MACROD2: variants seen among roughly 807,000 people sequenced by gnomAD.
MACROD2 encodes mono-ADP ribosylhydrolase 2.
Under a neutral mutation model 70.4 loss-of-function variants are expected in MACROD2, and 36 were observed. That is an observed-to-expected ratio of 0.51 (90% CI 0.39 to 0.68). The LOEUF is 0.68. Ranked by LOEUF, MACROD2 falls within the 30% of genes least tolerant of loss-of-function variation. The pLI, the probability that MACROD2 is intolerant of heterozygous loss-of-function variation, is 0.00. For missense variants in MACROD2, 496 were observed against 538.4 expected (o/e 0.92, Z 0.78); for synonymous variants, 172 against 178.8 (o/e 0.96, Z 0.30).
intron 4 of MACROD2, among the ~76,000 whole-genome samples, chr20:14,587,479 C>T (rs896566908): frequency 5.3e-5 from 8 of 151,688 alleles, no homozygotes; most frequent in Non-Finnish European, 1.0e-4. Context: ...TAAGTTCAGA[C>T]ATAAATAAAA....
At chr20:14,248,507 C>A (rs1322742641) in intron 3 of MACROD2, among the ~76,000 whole-genome samples, 1 of 152,090 alleles carries the variant, frequency 6.6e-6, no homozygotes, top group African/African-American at 2.4e-5. Flanking sequence ...CGCTTGAACC[C>A]GGCAGGCGGA....
At chr20:15,555,843 A>AG (rs2048161016) in intron 8 of MACROD2, among the ~76,000 whole-genome samples, 1 of 146,622 alleles carries the variant, frequency 6.8e-6, no homozygotes, top group Non-Finnish European at 1.5e-5. Context: ...AAAAAAAAAA[A>AG]AAAAAAAAAA....
intron 13 of MACROD2, among the ~76,000 whole-genome samples, chr20:15,968,431 T>TAA (rs372226701): frequency 6.1e-4 from 93 of 152,054 alleles, no homozygotes; most frequent in Middle Eastern, 3.4e-3. Context: ...CCTTTCTGAA[T>TAA]AAACTAACAG....
At chr20:15,270,243 C>T (rs964279790) in intron 6 of MACROD2, among the ~76,000 whole-genome samples, 28 of 150,758 alleles carry the variant, frequency 1.9e-4, no homozygotes, top group African/African-American at 6.8e-4. Context: ...AAATGGCTTC[C>T]AACAGAGCAA....
In MACROD2 at chr20:15,967,591, G is replaced by T. The variant is rs1307001295; in HGVS notation, c.946G>T (p.Val316Leu). The T allele has an allele frequency of 1.2e-6, 2 of 1,607,996 alleles. No individual in the cohort carries two copies. The highest frequency in any genetic ancestry group is 2.7e-5 in the African/African-American group (2 of 74,328). ...TGAAAATATTACAAAAGGCGGTGAAGTGACAGATCATTCTGTGCGTGACCA... is the reference window on the plus strand; with the variant it reads ...TGAAAATATTACAAAAGGCGGTGAATTGACAGATCATTCTGTGCGTGACCA... ...KDENITKGGE[V>L]TDHSVRDQDH... Residue 316 changes from valine to leucine, a missense_variant, in exon 13 of 18, where the codon GTG (valine) becomes TTG (leucine). By Grantham distance (32) the Val-to-Leu change is conservative. Transcript: ENST00000684519.
intron 4 of MACROD2, among the ~76,000 whole-genome samples, chr20:14,558,315 C>G (rs375728873): frequency 6.6e-6 from 1 of 151,518 alleles, no homozygotes; most frequent in Non-Finnish European, 1.5e-5. Context: ...ACCATTTAAT[C>G]GTGTATTTTT....
At chr20:15,305,850 T>A (rs1041725336) in intron 6 of MACROD2, among the ~76,000 whole-genome samples, 1 of 152,210 alleles carries the variant, frequency 6.6e-6, no homozygotes, top group Non-Finnish European at 1.5e-5. Context: ...TTTATTGTTT[T>A]GAATGTAATG....
chr20:14,602,766 T>C (rs1186247004), intron 4 of MACROD2, among the ~76,000 whole-genome samples: 4 of 152,204 alleles, frequency 2.6e-5, no homozygotes, highest in Admixed American at 2.6e-4. Context: ...TTCTTAAAAA[T>C]TGAAAAGTTA....
chr20:14,908,071 C>T (rs752665726), intron 5 of MACROD2, among the ~76,000 whole-genome samples: 14 of 152,168 alleles, frequency 9.2e-5, no homozygotes, highest in Non-Finnish European at 1.3e-4. Context: ...CAGCCAGGCA[C>T]GGTGGCTCAC....
At chr20:15,614,509 A>G (rs1369760877) in intron 8 of MACROD2, among the ~76,000 whole-genome samples, 1 of 152,130 alleles carries the variant, frequency 6.6e-6, no homozygotes, top group Non-Finnish European at 1.5e-5. Context: ...TCCAAGCCAC[A>G]TGTTCAAGGT....
intron 3 of MACROD2, chr20:14,337,759 G>C (rs1240189613): frequency 2.6e-6 from 1 of 389,128 alleles, no homozygotes; most frequent in Non-Finnish European, 4.5e-6. Context: ...AAACGCTAGA[G>C]GGGGCGAGAG....
chr20:14,705,659 C>T (rs1202795152), intron 5 of MACROD2, among the ~76,000 whole-genome samples: 2 of 152,130 alleles, frequency 1.3e-5, no homozygotes, highest in Non-Finnish European at 2.9e-5. Context: ...ACTAAATGGG[C>T]AGAAGTAATT....
At chr20:15,957,495 T>A (rs889968554) in intron 12 of MACROD2, among the ~76,000 whole-genome samples, 5 of 152,136 alleles carry the variant, frequency 3.3e-5, no homozygotes, top group Non-Finnish European at 7.4e-5. Flanking sequence ...CTTGATGCTC[T>A]CTCATGACCT....
At chr20:14,674,179 AG>A (rs2070830728) in intron 4 of MACROD2, among the ~76,000 whole-genome samples, 1 of 152,138 alleles carries the variant, frequency 6.6e-6, no homozygotes, top group African/African-American at 2.4e-5. Flanking sequence ...TTGGGTCCCA[AG>A]GAAAGAGACT....
In MACROD2 at chr20:15,893,793, T is replaced by C. The variant is rs775396792; in HGVS notation, c.775+7982T>C. ...GAAATGAAGAGTGTAATAATACTGA[T>C]GGTGTCAGGTTGGGTCTTGAGGGAA... On this transcript the variant is annotated intron_variant, in intron 10 of 17. Transcript: ENST00000684519. The C allele has an allele frequency of 1.1e-4, 52 of 456,536 alleles. 1 individual carries two copies. Among genetic ancestry groups the C allele is most frequent in the South Asian group, 7.7e-4 (50 of 64,564 alleles). The allele number at this position is 456,536 out of a possible 1,614,324, so 28.3% of individuals were successfully genotyped here.
intron 5 of MACROD2, among the ~76,000 whole-genome samples, chr20:14,835,675 GA>G (rs1266536209): frequency 6.6e-6 from 1 of 151,982 alleles, no homozygotes; most frequent in African/African-American, 2.4e-5. Flanking sequence ...TCAGATACTG[GA>G]CCAGAGCAAT....
chr20:16,047,977 A>C (rs2067406910), intron 17 of MACROD2, among the ~76,000 whole-genome samples: 1 of 152,212 alleles, frequency 6.6e-6, no homozygotes, highest in Admixed American at 6.5e-5. Context: ...AAAGGCTCCC[A>C]AGATAGATAG....
intron 3 of MACROD2, among the ~76,000 whole-genome samples, chr20:14,359,388 C>T (rs1568575847): frequency 6.6e-6 from 1 of 152,038 alleles, no homozygotes; most frequent in African/African-American, 2.4e-5. Flanking sequence ...CTAGTACAGC[C>T]ATTATGGAAA....
At position 15,856,508 on chromosome 20, in the gene MACROD2, T is replaced by A. The variant is rs566823407; in HGVS notation, c.646-6237T>A. Among the ~76,000 whole-genome samples the A allele has an allele frequency of 2.0e-5, 3 of 152,356 alleles. No homozygotes were observed. The South Asian group carries it at 6.2e-4, about 32-fold the overall frequency. On this transcript the variant is annotated intron_variant, in intron 8 of 17. Coordinates refer to ENST00000684519, the MANE Select transcript of MACROD2 (RefSeq NM_001351661.2). ...AAGGAAAGTCCTCCGAAATATCTTA[T>A]GTTTTTGGTTCTAGAACTAAGTACC... is the stretch of plus-strand genomic sequence containing the variant.
Sources: allele counts gnomAD v4.1 joint callset (sites outside exome capture counted in the v4.1 genomes callset), GRCh38; gene constraint gnomAD v4.1.1; transcripts MANE v1.5; gene names NCBI Gene and HGNC (gene_info 2026-07-23, HGNC 2026-07-21).